MAF: variants seen among roughly 807,000 people sequenced by gnomAD.
MAF encodes MAF bZIP transcription factor.
MAF carries 10 observed loss-of-function variants against 22.0 expected under a neutral mutation model. The ratio of observed to expected loss-of-function variants is 0.45; its 90% confidence interval spans 0.28 to 0.77. MAF has a LOEUF of 0.77. Ranked by LOEUF, MAF falls within the 30% of genes least tolerant of loss-of-function variation. The pLI is 0.12. For missense variants in MAF, 544 were observed against 548.4 expected, an observed-to-expected ratio of 0.99 and a Z score of 0.08; for synonymous variants, 337 against 255.8, an observed-to-expected ratio of 1.32 and a Z score of -3.03.
At chr16:79,465,217 C>T in the MAF span, among the ~76,000 whole-genome samples, 4 of 152,308 alleles carry the variant, frequency 2.6e-5, 1 homozygote, top group South Asian at 4.1e-4. Flanking sequence ...GAAATGGCAA[C>T]TTGGAACCCA....
At chr16:79,594,638 GAT>G in intron 1 of MAF, 85 bp from the exon 2 acceptor site, 2 of 1,449,646 alleles carry the variant, frequency 1.4e-6, no homozygotes, top group Non-Finnish European at 1.8e-6. Context: ...TTCCTCATAT[GAT>G]TTTTTTTTTT....
the MAF span, chr16:79,212,510 T>G: frequency 5.2e-6 from 1 of 191,000 alleles, no homozygotes; most frequent in Non-Finnish European, 1.1e-5. Context: ...CGTATATACT[T>G]AAGAATACAC....
At chr16:79,266,348 G>A in the MAF span, among the ~76,000 whole-genome samples, 3 of 152,120 alleles carry the variant, frequency 2.0e-5, no homozygotes, top group Admixed American at 2.0e-4. Context: ...GGAAAACCAT[G>A]GATAAGGGGG....
chr16:79,359,667 C>A, the MAF span, among the ~76,000 whole-genome samples: 69,317 of 152,006 alleles, frequency 0.46, 16,233 homozygotes, highest in South Asian at 0.61. Flanking sequence ...TTTTGATTAA[C>A]AATTTGACTT....
chr16:79,341,409 G>A, the MAF span, among the ~76,000 whole-genome samples: 1 of 152,182 alleles, frequency 6.6e-6, no homozygotes, highest in African/African-American at 2.4e-5. Flanking sequence ...ACTGGAACCA[G>A]CTCCTGAGAG....
the MAF span, among the ~76,000 whole-genome samples, chr16:79,376,682 C>G: frequency 2.0e-5 from 3 of 152,146 alleles, no homozygotes; most frequent in African/African-American, 4.8e-5. Flanking sequence ...CTCTCCTCCC[C>G]CCACCCTACA....
downstream of MAF, chr16:79,593,833 G>C (rs1913331186): frequency 1.1e-5 from 2 of 180,564 alleles, no homozygotes; most frequent in Non-Finnish European, 2.4e-5. Flanking sequence ...ATCACACAGA[G>C]GGTGTGTATT....
At chr16:79,396,642 ACTTC>A in the MAF span, among the ~76,000 whole-genome samples, 1 of 152,140 alleles carries the variant, frequency 6.6e-6, no homozygotes, top group South Asian at 2.1e-4. Context: ...CAATAATAGT[ACTTC>A]CTTCATAAGG....
intron 1 of MAF, chr16:79,586,009 G>C (rs920531767): frequency 3.1e-6 from 2 of 639,002 alleles, no homozygotes; most frequent in Admixed American, 3.0e-5. Context: ...TTCAAGAACA[G>C]TATGCTACAG....
At chr16:79,465,422 T>C in the MAF span, among the ~76,000 whole-genome samples, 1 of 151,924 alleles carries the variant, frequency 6.6e-6, no homozygotes, top group East Asian at 1.9e-4. Flanking sequence ...GCAAGACCAG[T>C]CTCTACAAAA....
At chr16:79,245,805 C>G in the MAF span, among the ~76,000 whole-genome samples, 1 of 152,068 alleles carries the variant, frequency 6.6e-6, no homozygotes, top group Non-Finnish European at 1.5e-5. Context: ...TTGGAACCAA[C>G]CCAAATGCCC....
the MAF span, among the ~76,000 whole-genome samples, chr16:79,243,669 CTA>C: frequency 6.6e-6 from 1 of 152,038 alleles, no homozygotes; most frequent in African/African-American, 2.4e-5. Context: ...CCCTCTAAAA[CTA>C]TTTCAAACAA....
In MAF at chr16:79,599,264, A is replaced by T; in HGVS notation, c.639T>A (p.Ala213=). 1.0e-6 allele frequency: 1 copy of T among 976,062 alleles called. No individual in the cohort carries two copies. Among genetic ancestry groups the T allele is most frequent in the Non-Finnish European group, 1.2e-6 (1 of 826,586 alleles). The allele number at this position is 976,062 out of a possible 1,614,324, so 60.5% of individuals were successfully genotyped here. ...AGSAAASAGG[A]GGAGGGGPAS... Reference sequence around the variant, plus strand: ...CCGGGCCACCGCCGCCCGCGCCCCCAGCGCCACCGGCCGAGGCGGCCGCGC... The same window carrying T: ...CCGGGCCACCGCCGCCCGCGCCCCCTGCGCCACCGGCCGAGGCGGCCGCGC... The change falls in exon 1 of 2, where the codon GCT becomes GCA. Residue 213 remains alanine, a synonymous_variant. Coordinates refer to ENST00000326043, the MANE Select transcript of MAF (RefSeq NM_005360.5).
At chr16:79,591,323 C>G (rs1251441937), downstream of MAF, among the ~76,000 whole-genome samples, 1 of 152,132 alleles carries the variant, frequency 6.6e-6, no homozygotes, top group Non-Finnish European at 1.5e-5. Context: ...AAACTCCTTC[C>G]TCTCCTTCCA....
At chr16:79,518,198 C>G in the MAF span, among the ~76,000 whole-genome samples, 1 of 152,178 alleles carries the variant, frequency 6.6e-6, no homozygotes, top group East Asian at 1.9e-4. Flanking sequence ...CCCAATGTCA[C>G]ATTGCTAGAA....
chr16:79,205,162 C>T, the MAF span: 1 of 152,260 alleles, frequency 6.6e-6, no homozygotes, highest in African/African-American at 2.4e-5. Flanking sequence ...TGGCACTCTT[C>T]CCCCTGCATG....
the MAF span, among the ~76,000 whole-genome samples, chr16:79,369,705 T>C: frequency 1.3e-5 from 2 of 152,224 alleles, no homozygotes; most frequent in African/African-American, 4.8e-5. Context: ...CAGCCTAATG[T>C]GTAGGGCCAG....
the MAF span, among the ~76,000 whole-genome samples, chr16:79,350,560 CA>C: frequency 6.6e-6 from 1 of 152,184 alleles, no homozygotes; most frequent in Non-Finnish European, 1.5e-5. Flanking sequence ...CAACAGTAAG[CA>C]GAAGTGATAT....
the MAF span, among the ~76,000 whole-genome samples, chr16:79,347,131 G>A: frequency 0.4 from 61,161 of 152,076 alleles, 13,270 homozygotes; most frequent in East Asian, 0.7. Flanking sequence ...TGAGAAACTG[G>A]CCAGGCTATT....
Sources: allele counts gnomAD v4.1 joint callset (sites outside exome capture counted in the v4.1 genomes callset), GRCh38; gene constraint gnomAD v4.1.1; transcripts MANE v1.5; gene names NCBI Gene and HGNC (gene_info 2026-07-23, HGNC 2026-07-21).